The following SLC66A2 variants were observed in gnomAD, a reference collection of about 807,000 sequenced individuals.
SLC66A2 encodes PQ loop repeat containing 1.
A neutral mutation model predicts 25.5 loss-of-function variants in SLC66A2; 23 were observed. The ratio of observed to expected loss-of-function variants is 0.90; its 90% CI spans 0.65 to 1.28. The LOEUF (loss-of-function observed/expected upper bound fraction) is 1.28. Ranked by LOEUF, SLC66A2 falls within the 50% of genes most tolerant of loss-of-function variation. SLC66A2 has a pLI of 0.00. For missense variants in SLC66A2, 396 were observed against 373.1 expected (o/e 1.06, Z -0.51); for synonymous variants, 193 against 166.5 (o/e 1.16, Z -1.23).
rs971534658 is a variant in SLC66A2, at chr18:79,940,067, C to T, written c.337+3262G>A. On this transcript the variant is annotated intron_variant, in intron 3 of 5. Transcript: ENST00000397778. The surrounding 1 kb of genome is among the most constrained non-coding windows in gnomAD (Gnocchi z 4.1). The stretch of plus-strand genomic sequence containing the variant: ...ATGCAGCCATAAAAGAGAACAAGAT[C>T]GTATCCTTTAGAGGAGCACAGATGG... Among the ~76,000 whole-genome samples the T allele has an allele frequency of 5.3e-5, 8 of 152,178 alleles. No individual in the cohort carries two copies. The highest frequency in any genetic ancestry group is 1.9e-4 in the African/African-American group (8 of 41,420).
intron 5 of SLC66A2, among the ~76,000 whole-genome samples, chr18:79,905,394 G>A (rs1231146813): frequency 6.6e-6 from 1 of 152,336 alleles, no homozygotes; most frequent in East Asian, 1.9e-4. Context: ...GGGTAGCACC[G>A]GGGGAAGGTG....
At chr18:79,933,678 A>G (rs1190046812) in intron 4 of SLC66A2, among the ~76,000 whole-genome samples, 1 of 152,228 alleles carries the variant, frequency 6.6e-6, no homozygotes, top group Non-Finnish European at 1.5e-5. Flanking sequence ...TAAATTTAAC[A>G]AAGTCCAAAA....
Position 79,918,133 on chromosome 18 carries a change from G to A in SLC66A2, c.608+1051C>T, listed in dbSNP as rs946300018. ...GCAACTGAACCTACACACAACCCCC[G>A]GCCCTCACACCTCTGCCCACACGCC... is the stretch of plus-strand genomic sequence containing the variant. On this transcript the variant is annotated intron_variant, in intron 5 of 5. Transcript: ENST00000397778. The surrounding 1 kb of genome is among the most constrained non-coding windows in gnomAD (Gnocchi z 4.0). 4.6e-5 allele frequency among the ~76,000 whole-genome samples: 7 copies of A among 151,934 alleles called. No homozygotes were observed. In the South Asian group the frequency reaches 6.2e-4, roughly 14 times the overall value.
chr18:79,908,470 T>C (rs1982458165), intron 5 of SLC66A2, among the ~76,000 whole-genome samples: 1 of 152,228 alleles, frequency 6.6e-6, no homozygotes. Context: ...TTTCGACATT[T>C]TTTATTTGAC....
At chr18:79,919,067 C>T in intron 5 of SLC66A2, 117 bp downstream of exon 5, 1 of 929,144 alleles carries the variant, frequency 1.1e-6, no homozygotes. Flanking sequence ...CCGGCAGCTT[C>T]ACAGGTCAAC....
At chr18:79,909,430 G>C (rs1982598136) in intron 5 of SLC66A2, among the ~76,000 whole-genome samples, 1 of 151,134 alleles carries the variant, frequency 6.6e-6, no homozygotes, top group South Asian at 2.1e-4. Flanking sequence ...TTCCCCATCA[G>C]AGTACCACAG....
At chr18:79,914,515 G>A (rs555261227) in intron 5 of SLC66A2, among the ~76,000 whole-genome samples, 3 of 152,240 alleles carry the variant, frequency 2.0e-5, no homozygotes, top group South Asian at 2.1e-4. Flanking sequence ...CCGTGGCCCC[G>A]GAGGAACAGG....
intron 4 of SLC66A2, among the ~76,000 whole-genome samples, chr18:79,932,321 C>T (rs982288615): frequency 1.3e-5 from 2 of 151,996 alleles, no homozygotes; most frequent in Non-Finnish European, 2.9e-5. Context: ...TTCTAACCTC[C>T]ACCTTAAGAA....
At chr18:79,946,967 G>T (rs1037371825) in intron 2 of SLC66A2, among the ~76,000 whole-genome samples, 5 of 149,530 alleles carry the variant, frequency 3.3e-5, no homozygotes, top group African/African-American at 1.2e-4. Flanking sequence ...TTGTCTAAAA[G>T]AAAAAAAAAA....
At chr18:79,925,962 T>C (rs1034702289) in intron 4 of SLC66A2, among the ~76,000 whole-genome samples, 4 of 152,318 alleles carry the variant, frequency 2.6e-5, no homozygotes, top group Admixed American at 2.6e-4. Context: ...CATAAAGACC[T>C]TGCTGATAAA....
chr18:79,932,036 G>A (rs1986618920), intron 4 of SLC66A2, among the ~76,000 whole-genome samples: 1 of 152,038 alleles, frequency 6.6e-6, no homozygotes, highest in South Asian at 2.1e-4. Flanking sequence ...AAAAGTACTG[G>A]AATAATACAG....
intron 5 of SLC66A2, among the ~76,000 whole-genome samples, chr18:79,905,597 G>T (rs998016580): frequency 6.6e-6 from 1 of 152,260 alleles, no homozygotes; most frequent in Admixed American, 6.5e-5. Context: ...CCCGAGCATT[G>T]CGCGGTGACC....
intron 5 of SLC66A2, among the ~76,000 whole-genome samples, chr18:79,916,824 T>G (rs1984231795): frequency 1.3e-5 from 2 of 152,144 alleles, no homozygotes. Flanking sequence ...CCCAGAGCTC[T>G]GTGAGCCGCT....
intron 5 of SLC66A2, among the ~76,000 whole-genome samples, chr18:79,909,715 A>AGACTTTTTCTAGTT (rs1568292532): frequency 1.8e-4 from 19 of 105,902 alleles, no homozygotes; most frequent in Admixed American, 2.7e-4. Context: ...CCATCTCACA[A>AGACTTTTTCTAGTT]CAGAGTCCCC....
chr18:79,905,008 G>C (rs1232153707), intron 5 of SLC66A2, among the ~76,000 whole-genome samples: 3 of 152,166 alleles, frequency 2.0e-5, no homozygotes, highest in Non-Finnish European at 1.5e-5. Context: ...TGGGCACCTG[G>C]GTGCCGTAGC....
chr18:79,936,238 C>A (rs1263169634), intron 3 of SLC66A2, among the ~76,000 whole-genome samples: 1 of 152,160 alleles, frequency 6.6e-6, no homozygotes, highest in Non-Finnish European at 1.5e-5. Flanking sequence ...GGGAAGAGCA[C>A]ATGATCACAG....
At chr18:79,924,458 AAGGGGTTTCTTTGGGGG>A (rs1985685086) in intron 4 of SLC66A2, among the ~76,000 whole-genome samples, 1 of 152,196 alleles carries the variant, frequency 6.6e-6, no homozygotes, top group African/African-American at 2.4e-5. Context: ...AACTGGTTCG[AAGGGGTTTCTTTGGGGG>A]TGATGAAAGG....
intron 3 of SLC66A2, among the ~76,000 whole-genome samples, chr18:79,936,047 G>A (rs1987051521): frequency 6.6e-6 from 1 of 152,256 alleles, no homozygotes; most frequent in Non-Finnish European, 1.5e-5. Flanking sequence ...TGGCCAGCAG[G>A]AAGGAGGCTG....
At chr18:79,915,081 G>C (rs546852722) in intron 5 of SLC66A2, among the ~76,000 whole-genome samples, 2 of 152,338 alleles carry the variant, frequency 1.3e-5, no homozygotes, top group African/African-American at 4.8e-5. Context: ...CTTCCCTCAG[G>C]CCATGCAGAG....
Sources: gnomAD v4.1 joint callset for allele counts (sites outside exome capture counted in the v4.1 genomes callset) on GRCh38, gnomAD v4.1.1 for gene constraint, Gnocchi (gnomAD v3.1) non-coding constraint, MANE v1.5 for transcripts, NCBI Gene and HGNC (gene_info 2026-07-23, HGNC 2026-07-21) for gene names.